The following EPHB1 variants were observed in gnomAD, a reference collection of about 807,000 sequenced individuals.
The protein encoded by EPHB1 is EPH receptor B1.
In EPHB1, 30 loss-of-function variants were observed where a neutral mutation model predicts 94.4. The observed-to-expected ratio is 0.32, with a 90% CI of 0.24 to 0.43. EPHB1 has a LOEUF of 0.43. Ranked by LOEUF, EPHB1 falls within the 20% of genes least tolerant of loss-of-function variation. The pLI is 1.00. For missense variants in EPHB1, 1,055 were observed against 1,308.3 expected, an observed-to-expected ratio of 0.81 and a Z score of 2.99; for synonymous variants, 522 against 489.1, an observed-to-expected ratio of 1.07 and a Z score of -0.89.
intron 4 of EPHB1, among the ~76,000 whole-genome samples, chr3:135,121,210 G>A (rs754915869): frequency 6.6e-6 from 1 of 152,188 alleles, no homozygotes; most frequent in Non-Finnish European, 1.5e-5. Flanking sequence ...GGCTTTCATC[G>A]TATGTGACCT....
chr3:135,202,390 G>A (rs1377806119), intron 12 of EPHB1, among the ~76,000 whole-genome samples: 1 of 152,086 alleles, frequency 6.6e-6, no homozygotes, highest in African/African-American at 2.4e-5. Context: ...TTCTTTCTGT[G>A]TCCATTTATT....
intron 3 of EPHB1, among the ~76,000 whole-genome samples, chr3:134,963,754 A>G (rs929116918): frequency 1.3e-5 from 2 of 152,200 alleles, no homozygotes; most frequent in Non-Finnish European, 2.9e-5. Context: ...AAGAGCCAAG[A>G]TTTGTAATTT....
rs1560243670 is a variant in EPHB1 at position 134,811,256 on chromosome 3, T to TGTTTGTTTTTG, written c.58+15567_58+15568insGTTTGTTTTTG. 3.2e-4 allele frequency among the ~76,000 whole-genome samples: 43 copies of TGTTTGTTTTTG among 134,940 alleles called. 1 individual carries two copies. In the East Asian group the frequency reaches 8.6e-3, roughly 27 times the overall value. 88.5% of individuals were successfully genotyped at this position (134,940 alleles called of 152,430 possible). On this transcript the variant is annotated intron_variant, in intron 1 of 15. Transcript: ENST00000398015. ...CTACTAAGAAGGTTTTTTTTTTTTT[T>TGTTTGTTTTTG]TTTTTTTCTGTCTTGCTCTGTCCCC...
At chr3:134,999,346 T>C in intron 3 of EPHB1, among the ~76,000 whole-genome samples, 1 of 152,132 alleles carries the variant, frequency 6.6e-6, no homozygotes, top group East Asian at 1.9e-4. Context: ...GAAACAGCAA[T>C]TTGCCAGACA....
At chr3:134,895,198 T>C (rs2038064583) in intron 1 of EPHB1, among the ~76,000 whole-genome samples, 2 of 152,344 alleles carry the variant, frequency 1.3e-5, no homozygotes, top group South Asian at 2.1e-4. Context: ...TTCCACTGCA[T>C]TGAGGGCCAC....
intron 1 of EPHB1, among the ~76,000 whole-genome samples, chr3:134,919,010 G>A (rs1398983504): frequency 6.6e-6 from 1 of 152,182 alleles, no homozygotes; most frequent in Non-Finnish European, 1.5e-5. Context: ...GAGGCCTCCT[G>A]GATGAAACAC....
intron 12 of EPHB1, among the ~76,000 whole-genome samples, chr3:135,201,895 T>A (rs1381505055): frequency 6.6e-6 from 1 of 152,122 alleles, no homozygotes; most frequent in African/African-American, 2.4e-5. Flanking sequence ...CATTTGGGCT[T>A]GGACTGTGAG....
Position 135,154,193 on chromosome 3 carries a change from A to G in EPHB1, c.1339A>G (p.Met447Val). 1 of 1,613,946 alleles carries G rather than the reference A, an allele frequency of 6.2e-7. No individual in the cohort carries two copies. Among genetic ancestry groups the G allele is most frequent in the East Asian group, 2.2e-5 (1 of 44,884 alleles). The change falls in exon 6 of 16, where the codon ATG becomes GTG. Residue 447 changes from methionine (M) to valine (V), a missense_variant. Coordinates refer to ENST00000398015, the MANE Select transcript of EPHB1 (RefSeq NM_004441.5). ...VPIMHQVSAT[M>V]RSITLSWPQP... is the part of the protein sequence containing the mutation. ...CATCATGCACCAAGTCAGTGCCACT[A>G]TGAGGAGCATCACCTTGTCATGGCC... is the stretch of plus-strand genomic sequence containing the variant.
intron 3 of EPHB1, among the ~76,000 whole-genome samples, chr3:135,083,264 T>C (rs925701698): frequency 1.3e-5 from 2 of 152,042 alleles, no homozygotes; most frequent in African/African-American, 4.8e-5. Flanking sequence ...CACTGTCAGA[T>C]CTGTGTTGTG....
chr3:134,886,007 C>T (rs369954421), intron 1 of EPHB1, among the ~76,000 whole-genome samples: 3 of 152,136 alleles, frequency 2.0e-5, no homozygotes, highest in Non-Finnish European at 4.4e-5. Context: ...AGCTGAGCAT[C>T]GGTTTAAGAG....
intron 2 of EPHB1, among the ~76,000 whole-genome samples, chr3:134,948,842 C>G (rs900333657): frequency 6.6e-6 from 1 of 152,218 alleles, no homozygotes; most frequent in Non-Finnish European, 1.5e-5. Flanking sequence ...TTACCTGTTG[C>G]GTGGAGGATG....
chr3:134,965,251 G>T (rs1933687673), intron 3 of EPHB1, among the ~76,000 whole-genome samples: 1 of 152,118 alleles, frequency 6.6e-6, no homozygotes, highest in African/African-American at 2.4e-5. Context: ...TTTCATTCCA[G>T]ATACTCATTA....
chr3:135,097,423 G>C (rs140157056), intron 3 of EPHB1, among the ~76,000 whole-genome samples: 4 of 152,178 alleles, frequency 2.6e-5, no homozygotes, highest in Non-Finnish European at 4.4e-5. Context: ...CTACGCTCTG[G>C]GAACAGGCTG....
intron 4 of EPHB1, 148 bp from the exon 5 acceptor site, chr3:135,132,566 T>C: frequency 1.5e-6 from 1 of 647,928 alleles, no homozygotes; most frequent in South Asian, 2.2e-5. Context: ...TCTTTTAAAA[T>C]GAATTGAAGC....
chr3:134,930,326 C>T (rs1331591145), intron 2 of EPHB1, among the ~76,000 whole-genome samples: 1 of 152,268 alleles, frequency 6.6e-6, no homozygotes, highest in Non-Finnish European at 1.5e-5. Flanking sequence ...ATTAAAAATG[C>T]TGCTTTATAA....
At position 135,259,054 on chromosome 3, in the gene EPHB1, G is replaced by A; in HGVS notation, c.2889G>A (p.Lys963=). 4 of 1,610,728 alleles carry A rather than the reference G, an allele frequency of 2.5e-6. No homozygotes were observed. The highest frequency in any genetic ancestry group is 3.4e-6 in the Non-Finnish European group (4 of 1,178,634). Residue 963 remains lysine, a synonymous_variant, in exon 16 of 16, where the codon AAG becomes AAA. Coordinates refer to ENST00000398015, the MANE Select transcript of EPHB1 (RefSeq NM_004441.5). ...GCATCACCTTGGCAGGCCATCAGAA[G>A]AAGATCCTGAACAGCATTCATTCTA... ...RIGITLAGHQ[K]KILNSIHSMR... is the part of the protein sequence containing the mutation.
intron 1 of EPHB1, among the ~76,000 whole-genome samples, chr3:134,818,822 G>A (rs1415917296): frequency 1.3e-5 from 2 of 152,176 alleles, no homozygotes; most frequent in African/African-American, 4.8e-5. Flanking sequence ...ATTCTGAATT[G>A]TGCTGCTATA....
chr3:135,147,020 C>T (rs966167324), intron 5 of EPHB1, among the ~76,000 whole-genome samples: 1 of 151,998 alleles, frequency 6.6e-6, no homozygotes, highest in African/African-American at 2.4e-5. Context: ...GACCTGAGGC[C>T]CAAAGAAGAC....
intron 2 of EPHB1, among the ~76,000 whole-genome samples, chr3:134,941,799 A>AC (rs2039124182): frequency 1.4e-5 from 2 of 141,622 alleles, no homozygotes; most frequent in Non-Finnish European, 1.6e-5. Context: ...ACACACACAC[A>AC]ATCAGCCAGA....
Sources: gnomAD v4.1 joint callset for allele counts (sites outside exome capture counted in the v4.1 genomes callset) on GRCh38, gnomAD v4.1.1 for gene constraint, MANE v1.5 for transcripts, NCBI Gene and HGNC (gene_info 2026-07-23, HGNC 2026-07-21) for gene names.